Variants in ZNF626 observed in about 807,000 individuals in gnomAD.
The protein encoded by ZNF626 is zinc finger protein 626, also known as CTC-513N18.7.
In ZNF626, 4 loss-of-function variants were observed where a neutral mutation model predicts 11.7. The ratio of observed to expected loss-of-function variants is 0.34; its 90% confidence interval spans 0.17 to 0.78. The LOEUF is 0.78. ZNF626 is among the 30% of genes least tolerant of loss of function. The pLI, the probability that ZNF626 is intolerant of heterozygous loss-of-function variation, is 0.57. For synonymous variants in ZNF626, 179 were observed against 198.6 expected, an observed-to-expected ratio of 0.90 and a Z score of 0.83; for missense variants, 588 against 587.1, an observed-to-expected ratio of 1.00 and a Z score of -0.01.
chr19:20,624,068 G>T lies in ZNF626; in HGVS notation c.*222C>A, dbSNP rs1555769077. ...TTATGTGCAGTAAGGTGTGAGGATA[G>T]GTGAAAAGCTTTACCACATTATTCA... On this transcript the variant is annotated 3_prime_UTR_variant, in exon 4 of 4. Transcript: ENST00000601440. 3.7e-6 allele frequency: 3 copies of T among 802,470 alleles called. No individual in the cohort carries two copies. The highest frequency in any genetic ancestry group is 1.7e-5 in the African/African-American group (1 of 58,924). The allele number at this position is 802,470 out of a possible 1,614,324, so 49.7% of individuals were successfully genotyped here.
intron 3 of ZNF626, among the ~76,000 whole-genome samples, chr19:20,637,844 T>C (rs1969983011): frequency 6.6e-6 from 1 of 152,138 alleles, no homozygotes; most frequent in African/African-American, 2.4e-5. Context: ...GCAATCATTT[T>C]AAATATAAAT....
At chr19:20,654,984 T>C (rs1485640823) in intron 1 of ZNF626, among the ~76,000 whole-genome samples, 1 of 151,770 alleles carries the variant, frequency 6.6e-6, no homozygotes, top group Non-Finnish European at 1.5e-5. Context: ...TGGTGATGCA[T>C]GCCTGTAAAC....
intron 3 of ZNF626, among the ~76,000 whole-genome samples, chr19:20,626,745 T>C (rs1005309198): frequency 9.2e-5 from 14 of 151,950 alleles, no homozygotes; most frequent in Non-Finnish European, 1.6e-4. Flanking sequence ...CTGGGCGCAA[T>C]GGCTCATGCC....
chr19:20,643,210 T>C (rs1350385423), intron 3 of ZNF626, among the ~76,000 whole-genome samples: 2 of 152,118 alleles, frequency 1.3e-5, no homozygotes, highest in African/African-American at 4.8e-5. Context: ...TCTTTTTATG[T>C]TTTAAATATA....
intron 1 of ZNF626, among the ~76,000 whole-genome samples, chr19:20,658,320 G>T (rs1446709116): frequency 2.0e-5 from 3 of 152,138 alleles, no homozygotes; most frequent in African/African-American, 4.8e-5. Context: ...GTGGGGATAT[G>T]CCAGGAGACC....
Position 20,625,516 on chromosome 19 carries a change from C to G in ZNF626, c.361G>C (p.Asp121His). ...CCTTCTTTGTGCACCTTACACTCAT[C>G]CACACTTATACATCCTTTTTTTAAC... Reference protein sequence around the residue: ...LQLKKGCISVDECKVHKEGYN... With the variant: ...LQLKKGCISVHECKVHKEGYN... The change falls in exon 4 of 4, where the codon GAT becomes CAT. Residue 121 changes from aspartate to histidine, a missense_variant. Physicochemically the swap from Asp to His is moderately conservative, Grantham distance 81. Coordinates refer to ENST00000601440, the MANE Select transcript of ZNF626 (RefSeq NM_001076675.3). 1.2e-6 allele frequency: 2 copies of G among 1,613,974 alleles called. No homozygotes were observed. The highest frequency in any genetic ancestry group is 1.7e-6 in the Non-Finnish European group (2 of 1,179,964).
rs1969753411 is a variant in ZNF626, at chr19:20,621,135, TTC to T, written c.*3153_*3154del. Reference sequence around the variant, plus strand: ...GGTGTAAGCCACTGTCCTGGCTTTTTTCTTTCTTTTTGAGATGGAGTGTCCGT... The same window carrying T: ...GGTGTAAGCCACTGTCCTGGCTTTTTTTTCTTTTTGAGATGGAGTGTCCGT... On this transcript the variant is annotated 3_prime_UTR_variant, in exon 4 of 4. Transcript: ENST00000601440. The T allele has an allele frequency of 6.6e-6, 1 of 151,906 alleles. No homozygotes were observed. Among genetic ancestry groups the T allele is most frequent in the Non-Finnish European group, 1.5e-5 (1 of 68,136 alleles). 9.4% of individuals were successfully genotyped at this position (151,906 alleles called of 1,614,324 possible).
intron 3 of ZNF626, among the ~76,000 whole-genome samples, chr19:20,641,020 C>T (rs954387413): frequency 1.3e-5 from 2 of 151,474 alleles, no homozygotes; most frequent in Non-Finnish European, 2.9e-5. Flanking sequence ...CCTAAAATCC[C>T]AGTTACTTGG....
rs782239471 is a variant in ZNF626 at position 20,624,264 on chromosome 19, T to C, written c.*26A>G. ...TAAAAGCTTTGTCACATTCTTCACA[T>C]TTGTAGAATTTCTCTCCAGTATGAA... On this transcript the variant is annotated 3_prime_UTR_variant, in exon 4 of 4. Coordinates refer to ENST00000601440, the MANE Select transcript of ZNF626 (RefSeq NM_001076675.3). 1.9e-6 allele frequency: 3 copies of C among 1,613,452 alleles called. No homozygotes were observed. The highest frequency in any genetic ancestry group is 2.2e-5 in the South Asian group (2 of 91,042).
chr19:20,621,790 TTC>T lies in ZNF626; in HGVS notation c.*2498_*2499del, dbSNP rs1969761177. On this transcript the variant is annotated 3_prime_UTR_variant, in exon 4 of 4. Coordinates refer to ENST00000601440, the MANE Select transcript of ZNF626 (RefSeq NM_001076675.3). ...CACTACATACCAAATAGTATACTTCTTCCATCTTTTGCTTACACCATTTGAGT... is the reference window on the plus strand; with the variant it reads ...CACTACATACCAAATAGTATACTTCTCATCTTTTGCTTACACCATTTGAGT... 6.6e-6 allele frequency: 1 copy of T among 152,246 alleles called. No individual in the cohort carries two copies. Among genetic ancestry groups the T allele is most frequent in the Non-Finnish European group, 1.5e-5 (1 of 68,042 alleles). 9.4% of individuals were successfully genotyped at this position (152,246 alleles called of 1,614,324 possible).
rs915517372 is a variant in ZNF626 at position 20,624,617 on chromosome 19, A to T, written c.1260T>A (p.Thr420=). ...SNLTTHKKIH[T]GERPYKCEEC... ...CTTCACATTTGTAGGGTCTCTCTCCAGTATGAATTTTCTTATGTGTAGTAA... is the reference window on the plus strand; with the variant it reads ...CTTCACATTTGTAGGGTCTCTCTCCTGTATGAATTTTCTTATGTGTAGTAA... Residue 420 remains threonine (T), a synonymous_variant, in exon 4 of 4, where the codon ACT becomes ACA. Transcript: ENST00000601440. 4 of 1,587,396 alleles carry T rather than the reference A, an allele frequency of 2.5e-6. No individual in the cohort carries two copies. Among genetic ancestry groups the T allele is most frequent in the Non-Finnish European group, 2.6e-6 (3 of 1,161,456 alleles).
At chr19:20,653,664 A>G (rs1555772819) in intron 1 of ZNF626, among the ~76,000 whole-genome samples, 2 of 35,706 alleles carry the variant, frequency 5.6e-5, no homozygotes, top group African/African-American at 1.3e-3. Context: ...AAAAAGAAAA[A>G]AAGAAAAAGA....
intron 3 of ZNF626, among the ~76,000 whole-genome samples, chr19:20,627,939 G>A (rs1047280619): frequency 1.8e-4 from 27 of 151,992 alleles, no homozygotes; most frequent in African/African-American, 6.0e-4. Context: ...TGCCCCTGAC[G>A]CCACAACAGT....
At chr19:20,656,093 G>A (rs1438266499) in intron 1 of ZNF626, among the ~76,000 whole-genome samples, 1 of 152,088 alleles carries the variant, frequency 6.6e-6, no homozygotes, top group Non-Finnish European at 1.5e-5. Flanking sequence ...ATCCGTAAGT[G>A]CACAAGACCA....
intron 3 of ZNF626, among the ~76,000 whole-genome samples, chr19:20,628,974 C>A (rs1467682740): frequency 2.0e-5 from 3 of 152,054 alleles, no homozygotes; most frequent in Non-Finnish European, 4.4e-5. Flanking sequence ...GTGTAAGGAA[C>A]GGATCCAGTT....
chr19:20,659,304 G>A (rs1202917625), intron 1 of ZNF626, among the ~76,000 whole-genome samples: 1 of 151,764 alleles, frequency 6.6e-6, no homozygotes, highest in South Asian at 2.1e-4. Context: ...CCTTGGCACC[G>A]TCTCAGCTCA....
chr19:20,633,920 G>C (rs1045250181), intron 3 of ZNF626, among the ~76,000 whole-genome samples: 4 of 152,234 alleles, frequency 2.6e-5, no homozygotes, highest in Non-Finnish European at 4.4e-5. Context: ...TTCCTATTCG[G>C]CCATCTTGGC....
chr19:20,626,533 C>G (rs1969834892), intron 3 of ZNF626, among the ~76,000 whole-genome samples: 1 of 152,096 alleles, frequency 6.6e-6, no homozygotes, highest in South Asian at 2.1e-4. Context: ...GCCTGGCCAA[C>G]ATGGTGAAAC....
intron 3 of ZNF626, among the ~76,000 whole-genome samples, chr19:20,639,674 C>T (rs1259206785): frequency 6.6e-6 from 1 of 152,150 alleles, no homozygotes; most frequent in Non-Finnish European, 1.5e-5. Context: ...GAGGCTGAGG[C>T]TACAGAGAGC....
Sources: allele counts gnomAD v4.1 joint callset (sites outside exome capture counted in the v4.1 genomes callset), GRCh38; gene constraint gnomAD v4.1.1; transcripts MANE v1.5; gene names NCBI Gene and HGNC (gene_info 2026-07-23, HGNC 2026-07-21).